SYT1: variants seen among roughly 807,000 people sequenced by gnomAD.
SYT1 encodes synaptotagmin 1.
Under a neutral mutation model 44.8 loss-of-function variants are expected in SYT1, and 8 were observed. The ratio of observed to expected loss-of-function variants is 0.18; its 90% confidence interval spans 0.10 to 0.32. SYT1 has a LOEUF of 0.32. Ranked by LOEUF, SYT1 falls within the 10% of genes least tolerant of loss-of-function variation. The pLI is 1.00. For synonymous variants in SYT1, 154 were observed against 188.8 expected, an observed-to-expected ratio of 0.82 and a Z score of 1.51; for missense variants, 286 against 509.3, an observed-to-expected ratio of 0.56 and a Z score of 4.22.
In SYT1 at chr12:79,091,199, A is replaced by G. The variant is rs375659121; in HGVS notation, c.-18+43837A>G. On this transcript the variant is annotated intron_variant, in intron 3 of 10. Coordinates refer to ENST00000261205, the MANE Select transcript of SYT1 (RefSeq NM_005639.3). Reference sequence around the variant, plus strand: ...GAAATTTATTTTCAGAAAGTTTTACATATTAAAATAGGATTGATAACTGTG... The same window carrying G: ...GAAATTTATTTTCAGAAAGTTTTACGTATTAAAATAGGATTGATAACTGTG... 4.6e-5 allele frequency among the ~76,000 whole-genome samples: 7 copies of G among 152,110 alleles called. No individual in the cohort carries two copies. The East Asian group carries it at 5.8e-4, about 13-fold the overall frequency.
chr12:79,068,726 G>GT (rs1217137002), intron 3 of SYT1, among the ~76,000 whole-genome samples: 1 of 152,032 alleles, frequency 6.6e-6, no homozygotes, highest in Non-Finnish European at 1.5e-5. Flanking sequence ...ACAGGGAGAA[G>GT]TAACCTGCCG....
intron 3 of SYT1, among the ~76,000 whole-genome samples, chr12:79,098,395 A>G (rs1878270270): frequency 6.6e-6 from 1 of 152,058 alleles, no homozygotes; most frequent in African/African-American, 2.4e-5. Context: ...AAAAATCTCA[A>G]AGTATTAGCA....
At chr12:79,009,905 A>G (rs2137566641) in intron 2 of SYT1, among the ~76,000 whole-genome samples, 1 of 152,208 alleles carries the variant, frequency 6.6e-6, no homozygotes, top group East Asian at 1.9e-4. Flanking sequence ...TCTATGTTTC[A>G]TGGCACTTTC....
chr12:78,920,957 A>G lies in SYT1; in HGVS notation c.-217+55848A>G, dbSNP rs999705299. 4.6e-5 allele frequency among the ~76,000 whole-genome samples: 7 copies of G among 151,986 alleles called. No individual in the cohort carries two copies. In the East Asian group the frequency reaches 1.4e-3, roughly 30 times the overall value. On this transcript the variant is annotated intron_variant, in intron 1 of 10. Coordinates refer to ENST00000261205, the MANE Select transcript of SYT1 (RefSeq NM_005639.3). ...AGTCAGACTTGAGTCCATAGTTTTCATTTCTACACGATTGATAGATTATCT... is the reference window on the plus strand; with the variant it reads ...AGTCAGACTTGAGTCCATAGTTTTCGTTTCTACACGATTGATAGATTATCT...
intron 1 of SYT1, among the ~76,000 whole-genome samples, chr12:78,943,173 C>T (rs927562905): frequency 6.6e-6 from 1 of 152,010 alleles, no homozygotes; most frequent in Admixed American, 6.6e-5. Flanking sequence ...TTCTTTTATC[C>T]CATCTGTGGT....
chr12:79,284,954 G>T (rs1236068953), intron 4 of SYT1, among the ~76,000 whole-genome samples: 2 of 152,040 alleles, frequency 1.3e-5, no homozygotes, highest in Non-Finnish European at 2.9e-5. Flanking sequence ...GATGAAATGG[G>T]TACCACTGTA....
intron 3 of SYT1, among the ~76,000 whole-genome samples, chr12:79,121,163 C>G (rs1174243803): frequency 3.3e-5 from 5 of 151,934 alleles, no homozygotes; most frequent in Non-Finnish European, 7.4e-5. Flanking sequence ...CTTCTGTCTT[C>G]CTTCTCCTCT....
intron 1 of SYT1, among the ~76,000 whole-genome samples, chr12:78,886,444 A>T (rs1565702292): frequency 6.6e-6 from 1 of 152,014 alleles, no homozygotes; most frequent in African/African-American, 2.4e-5. Context: ...TACTGTGCTG[A>T]AGGCTGATTT....
intron 4 of SYT1, among the ~76,000 whole-genome samples, chr12:79,224,726 T>C (rs1875387137): frequency 1.0e-5 from 1 of 100,316 alleles, no homozygotes; most frequent in Non-Finnish European, 2.0e-5. Flanking sequence ...TTTTTTGTTT[T>C]GTTTCATTTT....
intron 8 of SYT1, among the ~76,000 whole-genome samples, chr12:79,349,007 G>GAA (rs1254551891): frequency 4.4e-5 from 1 of 22,954 alleles, no homozygotes; most frequent in Non-Finnish European, 9.3e-5. Context: ...AGGAAAGAAA[G>GAA]AAAGAAAGAA....
chr12:79,429,685 C>A (rs1450321964), intron 9 of SYT1, among the ~76,000 whole-genome samples: 1 of 152,118 alleles, frequency 6.6e-6, no homozygotes, highest in Non-Finnish European at 1.5e-5. Context: ...CCCACCACCA[C>A]GCCCTGCTAA....
At chr12:79,045,821 C>T (rs1430434288) in intron 2 of SYT1, 3 of 152,116 alleles carry the variant, frequency 2.0e-5, no homozygotes, top group South Asian at 2.1e-4. Context: ...GGAAGCCTGG[C>T]CCTTGGTAAG....
intron 3 of SYT1, among the ~76,000 whole-genome samples, chr12:79,205,492 G>A (rs1874068881): frequency 6.6e-6 from 1 of 152,082 alleles, no homozygotes; most frequent in African/African-American, 2.4e-5. Context: ...CGTAATAAGT[G>A]GATTATCAGC....
intron 3 of SYT1, among the ~76,000 whole-genome samples, chr12:79,201,287 C>T (rs1444818841): frequency 1.3e-5 from 2 of 152,062 alleles, no homozygotes; most frequent in Non-Finnish European, 2.9e-5. Flanking sequence ...ACAAATAATC[C>T]TGAATAATTT....
chr12:79,002,745 T>C (rs1268166148), intron 2 of SYT1, among the ~76,000 whole-genome samples: 1 of 152,042 alleles, frequency 6.6e-6, no homozygotes, highest in Non-Finnish European at 1.5e-5. Context: ...TCCATTGGGA[T>C]CCTTCTATTG....
intron 1 of SYT1, among the ~76,000 whole-genome samples, chr12:78,966,320 A>G (rs1327979552): frequency 6.6e-6 from 1 of 152,036 alleles, no homozygotes; most frequent in Non-Finnish European, 1.5e-5. Flanking sequence ...TTTGTCATAT[A>G]TCATCCCATC....
chr12:78,994,597 G>A (rs771450557), intron 2 of SYT1, among the ~76,000 whole-genome samples: 13 of 140,520 alleles, frequency 9.3e-5, no homozygotes, highest in South Asian at 2.4e-4. Flanking sequence ...GTGCAGTGGC[G>A]TGACCTCAGC....
At position 79,368,958 on chromosome 12, in the gene SYT1, C is replaced by T. The variant is rs1171679876; in HGVS notation, c.928+15339C>T. 2.0e-5 allele frequency among the ~76,000 whole-genome samples: 3 copies of T among 152,260 alleles called. No individual in the cohort carries two copies. In the East Asian group the frequency reaches 5.8e-4, roughly 29 times the overall value. ...TTGCCATTGCTTTTGGTGTTTTAGA[C>T]ATGAAGTCCTTGCCCATGCCTATGT... is the stretch of plus-strand genomic sequence containing the variant. On this transcript the variant is annotated intron_variant, in intron 9 of 10. Coordinates refer to ENST00000261205, the MANE Select transcript of SYT1 (RefSeq NM_005639.3).
rs376824277 is a variant in SYT1 at position 78,944,019 on chromosome 12, A to G, written c.-216-33780A>G. Among the ~76,000 whole-genome samples the G allele has an allele frequency of 2.6e-5, 4 of 152,132 alleles. No individual in the cohort carries two copies. In the East Asian group the frequency reaches 7.7e-4, roughly 29 times the overall value. On this transcript the variant is annotated intron_variant, in intron 1 of 10. Transcript: ENST00000261205. ...TTCTTTGAATGATGATATCTCATAA[A>G]CATTGCAATTTATATCTTTCAGAAA...
Sources: gnomAD v4.1 joint callset for allele counts (sites outside exome capture counted in the v4.1 genomes callset) on GRCh38, gnomAD v4.1.1 for gene constraint, MANE v1.5 for transcripts, NCBI Gene and HGNC (gene_info 2026-07-23, HGNC 2026-07-21) for gene names.